CHRNA7: variants seen among roughly 807,000 people sequenced by gnomAD.
CHRNA7 encodes the protein neuronal acetylcholine receptor subunit alpha-7.
A neutral mutation model predicts 48.0 loss-of-function variants in CHRNA7; 17 were observed. The observed-to-expected ratio is 0.35, with a 90% CI of 0.24 to 0.53. The LOEUF (loss-of-function observed/expected upper bound fraction) is 0.53. Among genes scored for constraint, CHRNA7 ranks in the 20% least tolerant of loss-of-function variants. CHRNA7 has a pLI of 0.92. For synonymous variants in CHRNA7, 75 were observed against 242.3 expected (o/e 0.31, Z 6.41); for missense variants, 155 against 577.7 (o/e 0.27, Z 7.50).
chr15:32,089,824 G>T (rs74954087), intron 2 of CHRNA7, among the ~76,000 whole-genome samples: 3,035 of 152,244 alleles, frequency 0.02, 100 homozygotes, highest in African/African-American at 0.07. Flanking sequence ...TTTAGTGTGC[G>T]AATTCATGTG....
chr15:32,146,138 C>A (rs2051484647), intron 4 of CHRNA7, among the ~76,000 whole-genome samples: 1 of 152,168 alleles, frequency 6.6e-6, no homozygotes, highest in Non-Finnish European at 1.5e-5. Context: ...GTTTAGGCTT[C>A]TATTAGGAAT....
intron 2 of CHRNA7, among the ~76,000 whole-genome samples, chr15:32,070,653 A>C (rs1360648757): frequency 1.1e-4 from 14 of 122,136 alleles, no homozygotes; most frequent in South Asian, 2.6e-4. Context: ...GTGTGTGAAC[A>C]TGTGAGGTTT....
intron 4 of CHRNA7, among the ~76,000 whole-genome samples, chr15:32,138,546 TC>T (rs771765683): frequency 6.7e-6 from 1 of 148,772 alleles, no homozygotes; most frequent in African/African-American, 2.5e-5. Context: ...CCACCCAGAG[TC>T]CATAGTTTAC....
chr15:32,085,089 A>G (rs2050274224), intron 2 of CHRNA7, among the ~76,000 whole-genome samples: 1 of 152,012 alleles, frequency 6.6e-6, no homozygotes, highest in African/African-American at 2.4e-5. Context: ...TTAGCCTCCC[A>G]AAGTGCTGGG....
chr15:32,134,075 A>G (rs2051202515), intron 4 of CHRNA7, among the ~76,000 whole-genome samples: 1 of 151,872 alleles, frequency 6.6e-6, no homozygotes, highest in East Asian at 1.9e-4. Context: ...AGGGCAGCCA[A>G]GGGCTCTGCC....
At chr15:32,106,257 T>G (rs1382053809) in intron 3 of CHRNA7, among the ~76,000 whole-genome samples, 1 of 152,192 alleles carries the variant, frequency 6.6e-6, no homozygotes, top group Non-Finnish European at 1.5e-5. Context: ...GTTTTTCTCC[T>G]CCCGAGTTTC....
intron 2 of CHRNA7, among the ~76,000 whole-genome samples, chr15:32,070,058 T>C (rs2050029501): frequency 1.3e-5 from 2 of 152,216 alleles, no homozygotes; most frequent in South Asian, 4.1e-4. Flanking sequence ...ATAAACCTTT[T>C]TAAAAAATAA....
At chr15:32,087,590 A>G (rs978227559) in intron 2 of CHRNA7, among the ~76,000 whole-genome samples, 1 of 152,212 alleles carries the variant, frequency 6.6e-6, no homozygotes, top group African/African-American at 2.4e-5. Context: ...GTATTTCTGT[A>G]TGTAACCGTA....
chr15:32,055,230 CTTT>C (rs57589623), intron 2 of CHRNA7, among the ~76,000 whole-genome samples: 1 of 144,246 alleles, frequency 6.9e-6, no homozygotes, highest in South Asian at 2.1e-4. Context: ...TTCTCTCTCT[CTTT>C]TTTTTTTGTT....
At chr15:32,134,418 C>G (rs928860420) in intron 4 of CHRNA7, among the ~76,000 whole-genome samples, 2 of 152,210 alleles carry the variant, frequency 1.3e-5, no homozygotes, top group African/African-American at 4.8e-5. Context: ...CTCGGCCTCC[C>G]AAACTCCTGG....
At chr15:32,099,648 A>C (rs1329432328) in intron 2 of CHRNA7, 1 of 152,220 alleles carries the variant, frequency 6.6e-6, no homozygotes, top group Non-Finnish European at 1.5e-5. Context: ...TGCTAATTTT[A>C]AGTCCATTAA....
chr15:32,093,023 G>A (rs1262995665), intron 2 of CHRNA7, among the ~76,000 whole-genome samples: 3 of 152,232 alleles, frequency 2.0e-5, no homozygotes, highest in Non-Finnish European at 4.4e-5. Flanking sequence ...AGTCCAGAGA[G>A]ATACAACTTG....
intron 4 of CHRNA7, among the ~76,000 whole-genome samples, chr15:32,135,140 G>C (rs189340657): frequency 5.3e-4 from 81 of 152,372 alleles, no homozygotes; most frequent in Non-Finnish European, 7.2e-4. Context: ...GAGAGGCTGT[G>C]CCTGACAAGG....
chr15:32,074,962 T>A (rs1189965291), intron 2 of CHRNA7, among the ~76,000 whole-genome samples: 1 of 152,172 alleles, frequency 6.6e-6, no homozygotes, highest in East Asian at 1.9e-4. Flanking sequence ...ATCACATTAT[T>A]TGATATGAAT....
chr15:32,134,108 C>A lies in CHRNA7; in HGVS notation c.351-19799C>A, dbSNP rs371798183. 1.1e-3 allele frequency among the ~76,000 whole-genome samples: 164 copies of A among 152,166 alleles called. 2 individuals are homozygous for A. In the South Asian group the frequency reaches 0.032, roughly 30 times the overall value. ...GCCCCTTTCTCTCCTGCGTCCTCCT[C>A]CCTCCACATCCATCCTGTCCCACCC... On this transcript the variant is annotated intron_variant, in intron 4 of 9. Transcript: ENST00000306901.
intron 4 of CHRNA7, among the ~76,000 whole-genome samples, chr15:32,146,592 AACAG>A (rs2051492894): frequency 1.3e-5 from 2 of 152,236 alleles, no homozygotes; most frequent in African/African-American, 2.4e-5. Flanking sequence ...ATATTCTTAC[AACAG>A]ACAGTTAGAA....
chr15:32,064,419 A>G (rs766968763), intron 2 of CHRNA7, among the ~76,000 whole-genome samples: 2 of 151,164 alleles, frequency 1.3e-5, no homozygotes, highest in African/African-American at 2.4e-5. Context: ...TTTGGTCTCT[A>G]TTTGTCATAT....
intron 2 of CHRNA7, among the ~76,000 whole-genome samples, chr15:32,058,766 A>G (rs2049828542): frequency 6.6e-6 from 1 of 152,178 alleles, no homozygotes; most frequent in African/African-American, 2.4e-5. Context: ...GCTGGTATTC[A>G]GGGCCTCCTA....
At position 32,112,508 on chromosome 15, in the gene CHRNA7, C is replaced by T. The variant is rs2050779837; in HGVS notation, c.350+609C>T. 3 of 350,036 alleles carry T rather than the reference C, an allele frequency of 8.6e-6. No individual in the cohort carries two copies. In the Admixed American group the frequency reaches 1.1e-4, roughly 13 times the overall value. The allele number at this position is 350,036 out of a possible 1,614,324, so 21.7% of individuals were successfully genotyped here. The stretch of plus-strand genomic sequence containing the variant: ...GACAGTCTGACTTGCAGACCAGATG[C>T]CTAAAAGGCAATTATTCAGGCAGGG... On this transcript the variant is annotated intron_variant, in intron 4 of 9. Coordinates refer to ENST00000306901, the MANE Select transcript of CHRNA7 (RefSeq NM_000746.6).
Sources: gnomAD v4.1 joint callset for allele counts (sites outside exome capture counted in the v4.1 genomes callset) on GRCh38, gnomAD v4.1.1 for gene constraint, MANE v1.5 for transcripts, NCBI Gene and HGNC (gene_info 2026-07-23, HGNC 2026-07-21) for gene names.